Variants in IGFLR1 observed in about 807,000 individuals in gnomAD.
The protein encoded by IGFLR1 is IGF like family receptor 1, also known as IGF-like family receptor 1.
A neutral mutation model predicts 23.4 loss-of-function variants in IGFLR1; 17 were observed. That is an observed-to-expected ratio of 0.73 (90% CI 0.50 to 1.09). The LOEUF (loss-of-function observed/expected upper bound fraction) is 1.09, where lower values mean the gene tolerates loss of function less well. Ranked by LOEUF, IGFLR1 falls within the 50% of genes least tolerant of loss-of-function variation. The probability of loss-of-function intolerance (pLI) is 0.00; values close to 1 mark genes in which losing one functional copy is unlikely to be tolerated. For missense variants in IGFLR1, 556 were observed against 459.2 expected (o/e 1.21, Z -1.93); for synonymous variants, 265 against 210.7 (o/e 1.26, Z -2.23).
Position 35,738,910 on chromosome 19 carries a change from G to T in IGFLR1, c.*370C>A. On this transcript the variant is annotated 3_prime_UTR_variant, in exon 5 of 5. Coordinates refer to ENST00000246532, the MANE Select transcript of IGFLR1 (RefSeq NM_024660.4). The surrounding 1 kb of genome is among the most constrained non-coding windows in gnomAD (Gnocchi z 8.7). ...GTCTTCCCATTTGTAGGCTGTGGGG[G>T]CAGGTAGGAACCCCACTTCTACACA... The T allele has an allele frequency of 2.2e-6, 1 of 449,856 alleles. No homozygotes were observed. 27.9% of individuals were successfully genotyped at this position (449,856 alleles called of 1,614,324 possible).
chr19:35,740,200 CTGATAAGGTAG>C, intron 3 of IGFLR1, 112 bp from the exon 4 acceptor site: 1 of 1,399,326 alleles, frequency 7.1e-7, no homozygotes, highest in Non-Finnish European at 9.4e-7. Flanking sequence ...GATACGGTAT[CTGATAAGGTAG>C]TTGGGCCCCG....
intron 1 of IGFLR1, among the ~76,000 whole-genome samples, chr19:35,741,861 C>G (rs1348418165): frequency 6.6e-6 from 1 of 151,816 alleles, no homozygotes; most frequent in Non-Finnish European, 1.5e-5. Context: ...CCTGTAATCC[C>G]AACACTTTGG....
At chr19:35,740,682 G>A in intron 2 of IGFLR1, 118 bp from the exon 3 acceptor site, 1 of 971,972 alleles carries the variant, frequency 1.0e-6, no homozygotes, top group South Asian at 1.7e-5. Flanking sequence ...CAGCCTATTA[G>A]CGTGCGCCCC....
chr19:35,741,128 G>A lies in IGFLR1; in HGVS notation c.53C>T (p.Pro18Leu), dbSNP rs138607700. The A allele has an allele frequency of 4.1e-5, 65 of 1,600,726 alleles. No homozygotes were observed. Among genetic ancestry groups the A allele is most frequent in the Non-Finnish European group, 4.5e-5 (53 of 1,171,466 alleles). The change falls in exon 2 of 5, where the codon CCA becomes CTA. Residue 18 changes from proline to leucine, a missense_variant. By Grantham distance (98) the Pro-to-Leu change is moderately conservative. Coordinates refer to ENST00000246532, the MANE Select transcript of IGFLR1 (RefSeq NM_024660.4). ...LTALLLLALA[P>L]PPEASQYCGR... ...GCAGTACTGGGAGGCTTCCGGCGGT[G>A]GCGCCAGGGCCAGAAGCAACAAGGC...
At chr19:35,740,125 A>G in intron 3 of IGFLR1, 37 bp from the exon 4 acceptor site, 3 of 1,569,420 alleles carry the variant, frequency 1.9e-6, no homozygotes, top group Non-Finnish European at 1.7e-6. Context: ...TGGAGGCCAC[A>G]CTCCACTCCT....
chr19:35,739,406 C>T lies in IGFLR1; in HGVS notation c.942G>A (p.Glu314=). 1 of 1,613,772 alleles carries T rather than the reference C, an allele frequency of 6.2e-7. No individual in the cohort carries two copies. Among genetic ancestry groups the T allele is most frequent in the African/African-American group, 1.3e-5 (1 of 75,048 alleles). ...CAGAGGGCTCCCTTGCCACCACCAT[C>T]TCAATCAGAGCCCGCAGCGGCGAGC... ...PSRSPLRALI[E]MVVAREPSAS... is the part of the protein sequence containing the mutation. The change falls in exon 5 of 5, where the codon GAG becomes GAA. Residue 314 remains glutamate (E), a synonymous_variant. Coordinates refer to ENST00000246532, the MANE Select transcript of IGFLR1 (RefSeq NM_024660.4).
chr19:35,739,977 G>A lies in IGFLR1; in HGVS notation c.454C>T (p.Pro152Ser), dbSNP rs1970109589. 18 of 1,614,152 alleles carry A rather than the reference G, an allele frequency of 1.1e-5. No individual in the cohort carries two copies. The highest frequency in any genetic ancestry group is 1.5e-5 in the Non-Finnish European group (18 of 1,180,018). ...TTCGGCCAGGCCTGCTGAGGGACAG[G>A]CTCAGGGGTCCTCCAGGCAATGGAA... ...ASSIAWRTPE[P>S]VPQQAWPNFL... is the part of the protein sequence containing the mutation. The change falls in exon 4 of 5, where the codon CCT becomes TCT. Residue 152 changes from proline (P) to serine (S), a missense_variant. Coordinates refer to ENST00000246532, the MANE Select transcript of IGFLR1 (RefSeq NM_024660.4).
rs916605140 is a variant in IGFLR1 at position 35,739,424 on chromosome 19, C to T, written c.924G>A (p.Pro308=). 6.2e-6 allele frequency: 10 copies of T among 1,613,836 alleles called. No individual in the cohort carries two copies. Among genetic ancestry groups the T allele is most frequent in the African/African-American group, 1.3e-5 (1 of 75,042 alleles). The part of the protein sequence containing the change: ...FAYSLRPSRS[P]LRALIEMVVA... ...CCACCATCTCAATCAGAGCCCGCAG[C>T]GGCGAGCGACTCGGCCTCAGCGAAT... The change falls in exon 5 of 5, where the codon CCG becomes CCA. Residue 308 remains proline, a synonymous_variant. Transcript: ENST00000246532.
Position 35,741,000 on chromosome 19 carries a change from C to T in IGFLR1, c.157+24G>A, listed in dbSNP as rs1469619747. On this transcript the variant is annotated intron_variant, in intron 2 of 4. Transcript: ENST00000246532. ...CTATCACCTGCAAGCTCCGCCCAAG[C>T]AAGGCTCGGTCTCGGATTCTCACCC... is the stretch of plus-strand genomic sequence containing the variant. The T allele has an allele frequency of 4.4e-6, 7 of 1,609,022 alleles. No homozygotes were observed. The East Asian group carries it at 1.6e-4, about 36-fold the overall frequency.
chr19:35,740,801 G>A lies in IGFLR1; in HGVS notation c.157+223C>T, dbSNP rs1373388614. ...TACATAAAGCCCACCCTTTCCACGC[G>A]GCCCCTATCCCGCCTCTCCAGCCAT... On this transcript the variant is annotated intron_variant, in intron 2 of 4. Coordinates refer to ENST00000246532, the MANE Select transcript of IGFLR1 (RefSeq NM_024660.4). 7.9e-6 allele frequency: 5 copies of A among 632,356 alleles called. No homozygotes were observed. The African/African-American group carries it at 9.2e-5, about 12-fold the overall frequency. The allele number at this position is 632,356 out of a possible 1,614,324, so 39.2% of individuals were successfully genotyped here. A position where few individuals can be genotyped will look rare whatever the true frequency, so the allele number is the denominator to read the frequency against.
At chr19:35,740,769 G>A (rs1049356098) in intron 2 of IGFLR1, 6 of 638,982 alleles carry the variant, frequency 9.4e-6, no homozygotes, top group African/African-American at 3.7e-5. Context: ...CCCACTCCCG[G>A]CTTCTCTACA....
At chr19:35,740,954 A>G in intron 2 of IGFLR1, 70 bp downstream of exon 2, 1 of 1,473,566 alleles carries the variant, frequency 6.8e-7, no homozygotes, top group Non-Finnish European at 9.3e-7. Flanking sequence ...TAGCCCACAG[A>G]CCTCGCCCCT....
In IGFLR1 at chr19:35,739,689, C is replaced by T. The variant is rs1440985115; in HGVS notation, c.721+21G>A. On this transcript the variant is annotated intron_variant, in intron 4 of 4. Transcript: ENST00000246532. ...GGCGTCCAGTCCACCTTCCCTGCCC[C>T]GGGGCTCCTCCAGGACTAACCCCTG... 5.8e-6 allele frequency: 9 copies of T among 1,560,498 alleles called. No homozygotes were observed. The East Asian group carries it at 1.1e-4, about 20-fold the overall frequency.
chr19:35,739,318 G>C lies in IGFLR1; in HGVS notation c.1030C>G (p.Leu344Val). Reference sequence around the variant, plus strand: ...ACCCCAGATGAGCCAAGCTTGGACAGCACCCGCAATGCATCTGCCCGCCCT... The same window carrying C: ...ACCCCAGATGAGCCAAGCTTGGACACCACCCGCAATGCATCTGCCCGCCCT... ...QLGRADALRV[L>V]SKLGSSGVCW... Residue 344 changes from leucine to valine, a missense_variant, in exon 5 of 5, where the codon CTG becomes GTG. Coordinates refer to ENST00000246532, the MANE Select transcript of IGFLR1 (RefSeq NM_024660.4). 1 of 1,606,690 alleles carries C rather than the reference G, an allele frequency of 6.2e-7. No individual in the cohort carries two copies. Among genetic ancestry groups the C allele is most frequent in the African/African-American group, 1.3e-5 (1 of 74,944 alleles).
Position 35,740,385 on chromosome 19 carries a change from T to C in IGFLR1, c.337A>G (p.Arg113Gly). The C allele has an allele frequency of 2.5e-6, 4 of 1,594,660 alleles. No homozygotes were observed. Among genetic ancestry groups the C allele is most frequent in the African/African-American group, 1.3e-5 (1 of 74,164 alleles). The change falls in exon 3 of 5, where the codon AGA becomes GGA. Residue 113 changes from arginine (R) to glycine (G), a missense_variant. Physicochemically the swap from Arg to Gly is moderately radical, Grantham distance 125. Coordinates refer to ENST00000246532, the MANE Select transcript of IGFLR1 (RefSeq NM_024660.4). ...GCCGGGAGTCCCATCTGCACCTCTC[T>C]GCAGCGCCACGGGGTTCTGCCCCCG... ...AGGGRTPWRCRERPVPAKGHC... is the reference protein window; with the variant it reads ...AGGGRTPWRCGERPVPAKGHC...
Position 35,741,014 on chromosome 19 carries a change from G to A in IGFLR1, c.157+10C>T, listed in dbSNP as rs1970198995. 6.2e-7 allele frequency: 1 copy of A among 1,611,076 alleles called. No individual in the cohort carries two copies. Among genetic ancestry groups the A allele is most frequent in the African/African-American group, 1.3e-5 (1 of 74,904 alleles). On this transcript the variant is annotated intron_variant, in intron 2 of 4. Coordinates refer to ENST00000246532, the MANE Select transcript of IGFLR1 (RefSeq NM_024660.4). ...CTCCGCCCAAGCAAGGCTCGGTCTC[G>A]GATTCTCACCCGGGCAGGGGGGCGG...
rs970783266 is a variant in IGFLR1 at position 35,738,997 on chromosome 19, G to A, written c.*283C>T. 2 of 492,466 alleles carry A rather than the reference G, an allele frequency of 4.1e-6. No individual in the cohort carries two copies. The highest frequency in any genetic ancestry group is 7.2e-6 in the Non-Finnish European group (2 of 277,930). The allele number at this position is 492,466 out of a possible 1,614,324, so 30.5% of individuals were successfully genotyped here. ...AACAGGTAGGTGAGGCCATCATTCA[G>A]AATTAGAAGTCAGTCATGGGGTCTG... On this transcript the variant is annotated 3_prime_UTR_variant, in exon 5 of 5. Transcript: ENST00000246532. The surrounding 1 kb of genome is among the most constrained non-coding windows in gnomAD (Gnocchi z 8.7).
rs550507586 is a variant in IGFLR1, at chr19:35,740,136, G to A, written c.343-48C>T. Reference sequence around the variant, plus strand: ...AAGCTGGAGGCCACACTCCACTCCTGCCCGCTCCCAAACCTCCCAACTTTA... The same window carrying A: ...AAGCTGGAGGCCACACTCCACTCCTACCCGCTCCCAAACCTCCCAACTTTA... On this transcript the variant is annotated intron_variant, in intron 3 of 4. Coordinates refer to ENST00000246532, the MANE Select transcript of IGFLR1 (RefSeq NM_024660.4). 1.1e-5 allele frequency: 17 copies of A among 1,543,476 alleles called. No individual in the cohort carries two copies. The Admixed American group carries it at 3.0e-4, about 28-fold the overall frequency.
Position 35,741,167 on chromosome 19 carries a change from C to T in IGFLR1, c.14G>A (p.Arg5Gln). Residue 5 changes from arginine to glutamine, a missense_variant, in exon 2 of 5, where the codon CGA (arginine) becomes CAA (glutamine). Physicochemically the swap from Arg to Gln is conservative, Grantham distance 43 (BLOSUM62 1). Coordinates refer to ENST00000246532, the MANE Select transcript of IGFLR1 (RefSeq NM_024660.4). MGPG[R>Q]CLLTALLLLA... Reference sequence around the variant, plus strand: ...AAGCAACAAGGCCGTCAGGAGGCATCGTCCAGGCCCCATCTGGGGGGCCGT... The same window carrying T: ...AAGCAACAAGGCCGTCAGGAGGCATTGTCCAGGCCCCATCTGGGGGGCCGT... The T allele has an allele frequency of 1.2e-6, 2 of 1,605,220 alleles. No individual in the cohort carries two copies. The highest frequency in any genetic ancestry group is 1.1e-5 in the South Asian group (1 of 90,400).
Sources: gnomAD v4.1 joint callset for allele counts (sites outside exome capture counted in the v4.1 genomes callset) on GRCh38, gnomAD v4.1.1 for gene constraint, Gnocchi (gnomAD v3.1) non-coding constraint, MANE v1.5 for transcripts, NCBI Gene and HGNC (gene_info 2026-07-23, HGNC 2026-07-21) for gene names.